The following NCKAP1L variants were observed in gnomAD, a reference collection of about 807,000 sequenced individuals.
NCKAP1L encodes nck-associated protein 1-like.
Under a neutral mutation model 139.2 loss-of-function variants are expected in NCKAP1L, and 53 were observed. The observed-to-expected ratio is 0.38, with a 90% CI of 0.31 to 0.48. The LOEUF is 0.48. Among genes scored for constraint, NCKAP1L ranks in the 20% least tolerant of loss-of-function variants. The pLI, the probability that NCKAP1L is intolerant of heterozygous loss-of-function variation, is 0.98. For missense variants in NCKAP1L, 1,151 were observed against 1,381.9 expected, an observed-to-expected ratio of 0.83 and a Z score of 2.65; for synonymous variants, 468 against 499.7, an observed-to-expected ratio of 0.94 and a Z score of 0.85.
In NCKAP1L at chr12:54,543,303, A is replaced by G. The variant is rs1179881271; in HGVS notation, c.*618A>G. 6.6e-6 allele frequency: 1 copy of G among 152,076 alleles called. No individual in the cohort carries two copies. Among genetic ancestry groups the G allele is most frequent in the Non-Finnish European group, 1.5e-5 (1 of 68,062 alleles). The allele number at this position is 152,076 out of a possible 1,614,324, so 9.4% of individuals were successfully genotyped here. A position where few individuals can be genotyped will look rare whatever the true frequency, so the allele number is the denominator to read the frequency against. The stretch of plus-strand genomic sequence containing the variant: ...TGCCCCCAGCTTGACTGCGTTTCCT[A>G]CTGGGGCAAGGAGGAAGTGCCCTTC... On this transcript the variant is annotated 3_prime_UTR_variant, in exon 31 of 31. Coordinates refer to ENST00000293373, the MANE Select transcript of NCKAP1L (RefSeq NM_005337.5).
chr12:54,521,060 G>A (rs1183729012), intron 17 of NCKAP1L, 59 bp from the exon 18 acceptor site: 1 of 1,609,424 alleles, frequency 6.2e-7, no homozygotes. Context: ...GCAGTATTGT[G>A]AGGAAGAAGT....
At position 54,518,696 on chromosome 12, in the gene NCKAP1L, T is replaced by G; in HGVS notation, c.1384T>G (p.Phe462Val). 6.2e-7 allele frequency: 1 copy of G among 1,614,066 alleles called. No homozygotes were observed. Among genetic ancestry groups the G allele is most frequent in the Non-Finnish European group, 8.5e-7 (1 of 1,179,938 alleles). Residue 462 changes from phenylalanine (F) to valine (V), a missense_variant, in exon 14 of 31, where the codon TTC (phenylalanine) becomes GTC (valine). Coordinates refer to ENST00000293373, the MANE Select transcript of NCKAP1L (RefSeq NM_005337.5). ...GGAGGAGTCCATCATCATGTCCTCA[T>G]TCGTCAGTATCCTCTCCTCTCTGAA... ...PEEESIIMSS[F>V]VSILSSLNLK...
At position 54,518,897 on chromosome 12, in the gene NCKAP1L, T is replaced by G; in HGVS notation, c.1421-17T>G. ...TGCTGTTTATTGTTTCCTTTTATAC[T>G]TCCGTTTTTCTTGCAGTTGATAATG... On this transcript the variant is annotated splice_polypyrimidine_tract_variant and intron_variant, in intron 14 of 30. Transcript: ENST00000293373. 1 of 1,611,466 alleles carries G rather than the reference T, an allele frequency of 6.2e-7. No individual in the cohort carries two copies. Among genetic ancestry groups the G allele is most frequent in the Non-Finnish European group, 8.5e-7 (1 of 1,177,544 alleles).
At chr12:54,514,424 C>T (rs925876321) in intron 9 of NCKAP1L, among the ~76,000 whole-genome samples, 13 of 151,794 alleles carry the variant, frequency 8.6e-5, no homozygotes, top group Non-Finnish European at 1.6e-4. Flanking sequence ...CGGGTTCAAG[C>T]GCTTCTCCTG....
chr12:54,524,063 C>G, intron 20 of NCKAP1L, 107 bp downstream of exon 20: 1 of 1,177,332 alleles, frequency 8.5e-7, no homozygotes, highest in Non-Finnish European at 1.2e-6. Flanking sequence ...TTACATTCAT[C>G]CTGGTGGTCA....
At chr12:54,516,143 C>A in intron 9 of NCKAP1L, 96 bp from the exon 10 acceptor site, 1 of 1,274,166 alleles carries the variant, frequency 7.8e-7, no homozygotes, top group Non-Finnish European at 1.1e-6. Context: ...ATGCTCCCAC[C>A]AGGGTATAGG....
intron 30 of NCKAP1L, among the ~76,000 whole-genome samples, chr12:54,541,640 A>G (rs1456105699): frequency 6.6e-6 from 1 of 152,206 alleles, no homozygotes; most frequent in Non-Finnish European, 1.5e-5. Context: ...AATCTTACAC[A>G]TTTTAAAACT....
intron 3 of NCKAP1L, among the ~76,000 whole-genome samples, chr12:54,501,281 T>C (rs1026790258): frequency 9.9e-5 from 15 of 152,218 alleles, no homozygotes; most frequent in Non-Finnish European, 1.5e-4. Context: ...TAGCATATTG[T>C]AGAATTTCCT....
At position 54,518,652 on chromosome 12, in the gene NCKAP1L, A is replaced by G; in HGVS notation, c.1340A>G (p.Asn447Ser). 1 of 1,613,804 alleles carries G rather than the reference A, an allele frequency of 6.2e-7. No individual in the cohort carries two copies. Among genetic ancestry groups the G allele is most frequent in the South Asian group, 1.1e-5 (1 of 91,070 alleles). ...CAGTAACTGCAGCTCCTTTTTTAGA[A>G]CTTGTCTGTGTGTCCAGAGGAGGAG... ...DALVLSDIIQ[N>S]LSVCPEEESI... The change falls in exon 14 of 31, where the codon AAC becomes AGC. Residue 447 changes from asparagine (N) to serine (S), a missense_variant and splice_region_variant. Asn to Ser is a conservative substitution (Grantham distance 46). Coordinates refer to ENST00000293373, the MANE Select transcript of NCKAP1L (RefSeq NM_005337.5).
intron 26 of NCKAP1L, among the ~76,000 whole-genome samples, chr12:54,533,197 A>T (rs1308126516): frequency 1.3e-5 from 2 of 152,080 alleles, no homozygotes; most frequent in East Asian, 3.9e-4. Flanking sequence ...GCACCTGCTG[A>T]TGTTGGTCCA....
intron 21 of NCKAP1L, 21 bp downstream of exon 21, chr12:54,526,767 T>C (rs2120943784): frequency 6.2e-7 from 1 of 1,600,500 alleles, no homozygotes; most frequent in Non-Finnish European, 8.5e-7. Flanking sequence ...CTTAGGCTTT[T>C]CCACTGCCTT....
Position 54,523,737 on chromosome 12 carries a change from T to C in NCKAP1L, c.2025-88T>C, listed in dbSNP as rs1314830353. 5 of 1,526,698 alleles carry C rather than the reference T, an allele frequency of 3.3e-6. No homozygotes were observed. In the Admixed American group the frequency reaches 8.1e-5, roughly 25 times the overall value. 94.6% of individuals were successfully genotyped at this position (1,526,698 alleles called of 1,614,324 possible). ...TGTACTCTTCTAGGCTGAGTATCCCTAGAAACTGGGTCATGGGCCCAACAC... is the reference window on the plus strand; with the variant it reads ...TGTACTCTTCTAGGCTGAGTATCCCCAGAAACTGGGTCATGGGCCCAACAC... On this transcript the variant is annotated intron_variant, in intron 19 of 30. Transcript: ENST00000293373.
intron 13 of NCKAP1L, 125 bp downstream of exon 13, chr12:54,518,063 G>A (rs1956948360): frequency 2.6e-6 from 3 of 1,145,650 alleles, no homozygotes; most frequent in South Asian, 1.4e-5. Context: ...AATCTAGGCT[G>A]GGCGCGGTGG....
rs766272206 is a variant in NCKAP1L, at chr12:54,498,399, TTGTG to T, written c.102+540_102+543del. ...CCTGGGGTAGTTCATGCTGTGGTGG[TTGTG>T]TGTGTGTGTGTGTGTGTGTGTGTGT... On this transcript the variant is annotated intron_variant, in intron 1 of 30. Coordinates refer to ENST00000293373, the MANE Select transcript of NCKAP1L (RefSeq NM_005337.5). 3.5e-3 allele frequency among the ~76,000 whole-genome samples: 495 copies of T among 142,342 alleles called. 2 individuals are homozygous for T. Among genetic ancestry groups the T allele is most frequent in the African/African-American group, 6.7e-3 (259 of 38,672 alleles). 93.4% of individuals were successfully genotyped at this position (142,342 alleles called of 152,430 possible).
At chr12:54,503,618 C>T (rs1262270817) in intron 3 of NCKAP1L, among the ~76,000 whole-genome samples, 2 of 150,400 alleles carry the variant, frequency 1.3e-5, no homozygotes, top group Non-Finnish European at 3.0e-5. Context: ...TATATATATA[C>T]ACACACATAT....
chr12:54,511,564 G>A (rs1199861211), intron 7 of NCKAP1L, among the ~76,000 whole-genome samples: 2 of 152,176 alleles, frequency 1.3e-5, no homozygotes, highest in African/African-American at 2.4e-5. Context: ...ACACCGCCAT[G>A]TCTGGCTAAT....
chr12:54,521,879 T>A (rs1317312411), intron 18 of NCKAP1L, among the ~76,000 whole-genome samples: 1 of 134,392 alleles, frequency 7.4e-6, no homozygotes, highest in African/African-American at 2.6e-5. Context: ...TAAAGGGGAG[T>A]GTGTGTATGT....
At chr12:54,536,695 C>A in intron 28 of NCKAP1L, 1 of 369,262 alleles carries the variant, frequency 2.7e-6, no homozygotes, top group South Asian at 3.5e-5. Flanking sequence ...AGGAACAAAA[C>A]ACCAAAACAC....
At chr12:54,506,844 A>G (rs557392410) in intron 3 of NCKAP1L, among the ~76,000 whole-genome samples, 1 of 118,666 alleles carries the variant, frequency 8.4e-6, no homozygotes, top group Admixed American at 9.8e-5. Flanking sequence ...TATCAATTTT[A>G]CTTTTTTAGA....
Sources: gnomAD v4.1 joint callset for allele counts (sites outside exome capture counted in the v4.1 genomes callset) on GRCh38, gnomAD v4.1.1 for gene constraint, MANE v1.5 for transcripts, NCBI Gene and HGNC (gene_info 2026-07-23, HGNC 2026-07-21) for gene names.